Variants in TMEM9 observed in about 807,000 individuals in gnomAD.
The protein encoded by TMEM9 is transmembrane protein 9.
In TMEM9, 13 loss-of-function variants were observed where a neutral mutation model predicts 22.8. That is an observed-to-expected ratio of 0.57 (90% CI 0.37 to 0.91). TMEM9 has a LOEUF of 0.91. Among genes scored for constraint, TMEM9 ranks in the 40% least tolerant of loss-of-function variants. The pLI is 0.01. For missense variants in TMEM9, 182 were observed against 238.1 expected (o/e 0.76, Z 1.55); for synonymous variants, 88 against 93.0 (o/e 0.95, Z 0.31).
At chr1:201,135,881 G>C (rs1490697893) in intron 4 of TMEM9, 66 bp from the exon 5 acceptor site, 1 of 1,458,448 alleles carries the variant, frequency 6.9e-7, no homozygotes, top group Non-Finnish European at 9.1e-7. Flanking sequence ...GATCCTGAAA[G>C]TCTGACATGG....
upstream of TMEM9, among the ~76,000 whole-genome samples, chr1:201,156,537 C>G (rs1174797171): frequency 2.6e-5 from 4 of 152,150 alleles, no homozygotes; most frequent in Non-Finnish European, 5.9e-5. Flanking sequence ...GGTTACTCCC[C>G]CCACCGGCTG....
chr1:201,137,928 C>T (rs1460842333), intron 4 of TMEM9, among the ~76,000 whole-genome samples: 1 of 152,192 alleles, frequency 6.6e-6, no homozygotes, highest in East Asian at 1.9e-4. Context: ...CTGAGCTGGC[C>T]ACAGTGCTAA....
At chr1:201,137,471 AACACACAC>A (rs144662228) in intron 4 of TMEM9, among the ~76,000 whole-genome samples, 16,612 of 146,532 alleles carry the variant, frequency 0.11, 912 homozygotes, top group Non-Finnish European at 0.13. Flanking sequence ...CAAATTATCT[AACACACAC>A]ACACACACAC....
intron 4 of TMEM9, among the ~76,000 whole-genome samples, chr1:201,141,037 C>A (rs1336039920): frequency 6.6e-6 from 1 of 152,210 alleles, no homozygotes; most frequent in African/African-American, 2.4e-5. Context: ...ATCCTCCCTG[C>A]AGTTCAGCGG....
In TMEM9 at chr1:201,134,870, T is replaced by C. The variant is rs1308782835; in HGVS notation, c.*793A>G. On this transcript the variant is annotated 3_prime_UTR_variant, in exon 5 of 5. Transcript: ENST00000367330. ...CTCTCCATGCACTGGTACAACGAAG[T>C]TCAGGGACAAGAGGCAACCCAAGTA... 2.0e-5 allele frequency: 3 copies of C among 152,720 alleles called. No individual in the cohort carries two copies. The highest frequency in any genetic ancestry group is 4.4e-5 in the Non-Finnish European group (3 of 68,022). The allele number at this position is 152,720 out of a possible 1,614,324, so 9.5% of individuals were successfully genotyped here.
chr1:201,158,234 C>T (rs1207175664), upstream of TMEM9, among the ~76,000 whole-genome samples: 1 of 152,102 alleles, frequency 6.6e-6, no homozygotes, highest in Non-Finnish European at 1.5e-5. Context: ...CTGTAGACAC[C>T]CTGATTTTAG....
intron 3 of TMEM9, chr1:201,145,255 C>T (rs1664865474): frequency 6.6e-6 from 1 of 152,320 alleles, no homozygotes; most frequent in Admixed American, 6.5e-5. Context: ...GAAGTTCCCT[C>T]CCGGCCAAAC....
intron 3 of TMEM9, chr1:201,146,523 C>T (rs1013403706): frequency 3.1e-6 from 2 of 652,288 alleles, no homozygotes; most frequent in African/African-American, 3.6e-5. Flanking sequence ...TCCCCTCTCA[C>T]TGTAATGGTA....
At chr1:201,162,069 C>A (rs182900781) in intron 1 of TMEM9, among the ~76,000 whole-genome samples, 14 of 152,188 alleles carry the variant, frequency 9.2e-5, no homozygotes, top group Middle Eastern at 3.4e-3. Flanking sequence ...ATGCCAGGAA[C>A]CTTTTAATAC....
chr1:201,140,469 C>T (rs997657630), intron 4 of TMEM9, among the ~76,000 whole-genome samples: 6 of 152,204 alleles, frequency 3.9e-5, no homozygotes, highest in Admixed American at 3.9e-4. Flanking sequence ...GCAATCAGGG[C>T]CTACTGAGGC....
chr1:201,148,256 G>A (rs986583020), intron 2 of TMEM9, among the ~76,000 whole-genome samples: 1 of 152,208 alleles, frequency 6.6e-6, no homozygotes, highest in African/African-American at 2.4e-5. Context: ...TAGACCCTCA[G>A]CCACAGGTCT....
intron 2 of TMEM9, among the ~76,000 whole-genome samples, chr1:201,147,202 G>T (rs1420448341): frequency 6.6e-6 from 1 of 152,114 alleles, no homozygotes; most frequent in Non-Finnish European, 1.5e-5. Flanking sequence ...AGAAGCTGAC[G>T]GATCTTAGAT....
At chr1:201,154,834 C>CA (rs1665732415), upstream of TMEM9, among the ~76,000 whole-genome samples, 2 of 152,268 alleles carry the variant, frequency 1.3e-5, no homozygotes, top group South Asian at 4.1e-4. Context: ...TGTCCTCATT[C>CA]AAAATCTGGA....
chr1:201,167,246 G>A (rs1387882340), intron 1 of TMEM9, among the ~76,000 whole-genome samples: 3 of 152,194 alleles, frequency 2.0e-5, no homozygotes, highest in Non-Finnish European at 4.4e-5. Flanking sequence ...GCCACGCCAC[G>A]CGGGCGACAG....
intron 1 of TMEM9, among the ~76,000 whole-genome samples, chr1:201,164,505 A>T (rs1367618079): frequency 2.0e-5 from 3 of 152,220 alleles, no homozygotes; most frequent in Non-Finnish European, 4.4e-5. Flanking sequence ...GCTGAGCCAT[A>T]TAAAATTGCC....
In TMEM9 at chr1:201,154,218, C is replaced by G. The variant is rs1339089379; in HGVS notation, c.-295G>C. 3 of 321,604 alleles carry G rather than the reference C, an allele frequency of 9.3e-6. No homozygotes were observed. Among genetic ancestry groups the G allele is most frequent in the Non-Finnish European group, 1.7e-5 (3 of 172,818 alleles). 19.9% of individuals were successfully genotyped at this position (321,604 alleles called of 1,614,324 possible). A position where few individuals can be genotyped will look rare whatever the true frequency, so the allele number is the denominator to read the frequency against. On this transcript the variant is annotated 5_prime_UTR_variant, in exon 1 of 5. Coordinates refer to ENST00000367330, the MANE Select transcript of TMEM9 (RefSeq NM_001288565.2). ...GGGCCTCCAGTTCCTTCTCAAGGCCCGGCTCTGACCCGCGCATCACGTCCC... is the reference window on the plus strand; with the variant it reads ...GGGCCTCCAGTTCCTTCTCAAGGCCGGGCTCTGACCCGCGCATCACGTCCC...
At chr1:201,166,767 G>A (rs989254880) in intron 1 of TMEM9, among the ~76,000 whole-genome samples, 1 of 152,132 alleles carries the variant, frequency 6.6e-6, no homozygotes, top group African/African-American at 2.4e-5. Context: ...TAAAATGGAG[G>A]TATAACAGAT....
chr1:201,149,673 C>A (rs1665265355), intron 2 of TMEM9, among the ~76,000 whole-genome samples: 2 of 152,208 alleles, frequency 1.3e-5, no homozygotes, highest in African/African-American at 4.8e-5. Flanking sequence ...TCTGGCTTTA[C>A]TCTGCACAAC....
At position 201,151,754 on chromosome 1, in the gene TMEM9, G is replaced by A. The variant is rs773137596; in HGVS notation, c.158+7C>T. The A allele has an allele frequency of 3.0e-5, 49 of 1,610,838 alleles. No individual in the cohort carries two copies. The East Asian group carries it at 9.1e-4, about 30-fold the overall frequency. Reference sequence around the variant, plus strand: ...TAGCAGCCAGGGGCCTGCGTGTAATGCCTTACCAGTCCTTCTGGGATACAT... The same window carrying A: ...TAGCAGCCAGGGGCCTGCGTGTAATACCTTACCAGTCCTTCTGGGATACAT... On this transcript the variant is annotated splice_region_variant and intron_variant, in intron 2 of 4. Coordinates refer to ENST00000367330, the MANE Select transcript of TMEM9 (RefSeq NM_001288565.2).
Sources: allele counts gnomAD v4.1 joint callset (sites outside exome capture counted in the v4.1 genomes callset), GRCh38; gene constraint gnomAD v4.1.1; transcripts MANE v1.5; gene names NCBI Gene and HGNC (gene_info 2026-07-23, HGNC 2026-07-21).